The following PDE4D variants were observed in gnomAD, a reference collection of about 807,000 sequenced individuals.
The protein encoded by PDE4D is 3',5'-cyclic-AMP phosphodiesterase 4D.
Under a neutral mutation model 87.4 loss-of-function variants are expected in PDE4D, and 24 were observed. That is an observed-to-expected ratio of 0.27 (90% CI 0.20 to 0.39). The LOEUF (loss-of-function observed/expected upper bound fraction) is 0.39, where lower values mean the gene tolerates loss of function less well. PDE4D is among the 10% of genes least tolerant of loss of function. PDE4D has a pLI of 1.00. For synonymous variants in PDE4D, 384 were observed against 383.2 expected (o/e 1.00, Z -0.02); for missense variants, 714 against 1,041.0 (o/e 0.69, Z 4.32).
chr5:59,201,315 A>C (rs1384561447), intron 2 of PDE4D, among the ~76,000 whole-genome samples: 4 of 152,132 alleles, frequency 2.6e-5, no homozygotes, highest in African/African-American at 9.7e-5. Flanking sequence ...TACCTGCTTA[A>C]ATTAAAATCA....
chr5:59,865,082 C>G (rs1389892765), intron 1 of PDE4D, among the ~76,000 whole-genome samples: 3 of 152,304 alleles, frequency 2.0e-5, no homozygotes, highest in African/African-American at 7.2e-5. Flanking sequence ...CAAGCCTTTT[C>G]TGTGAAATAG....
intron 1 of PDE4D, among the ~76,000 whole-genome samples, chr5:59,537,875 T>G (rs888254903): frequency 1.3e-5 from 2 of 152,230 alleles, no homozygotes; most frequent in African/African-American, 4.8e-5. Context: ...CCTGTAGCTG[T>G]TATATTCATC....
intron 1 of PDE4D, among the ~76,000 whole-genome samples, chr5:59,584,439 C>T (rs1393436006): frequency 3.3e-5 from 5 of 152,178 alleles, no homozygotes; most frequent in Non-Finnish European, 7.3e-5. Flanking sequence ...CAGATTGGTA[C>T]GACATGCAGT....
chr5:59,469,884 A>C (rs1013902754), intron 1 of PDE4D, among the ~76,000 whole-genome samples: 4 of 152,164 alleles, frequency 2.6e-5, no homozygotes, highest in African/African-American at 9.7e-5. Flanking sequence ...AAGGCATTGC[A>C]CCACAATCAT....
At chr5:59,157,475 T>G (rs1370104520) in intron 5 of PDE4D, 1 of 639,266 alleles carries the variant, frequency 1.6e-6, no homozygotes, top group Non-Finnish European at 2.8e-6. Context: ...ACGACTAAGT[T>G]TCCAATCATT....
intron 1 of PDE4D, among the ~76,000 whole-genome samples, chr5:60,507,850 C>CA: frequency 6.6e-6 from 1 of 152,286 alleles, no homozygotes; most frequent in Admixed American, 6.5e-5. Context: ...TCATATACAG[C>CA]AAAACAGACC....
rs535150706 is a variant in PDE4D, at chr5:60,410,023, C to A, written c.-90+77919G>T. ...AAAGATATGCCCTCTCAGGCTGCCC[C>A]ATACCAAGGACATTTGGAGGGAGTT... On this transcript the variant is annotated intron_variant, in intron 1 of 16. Coordinates refer to the PDE4D transcript ENST00000502484. Among the ~76,000 whole-genome samples the A allele has an allele frequency of 3.6e-4, 55 of 152,338 alleles. 2 individuals carry two copies. The South Asian group carries it at 0.011, about 31-fold the overall frequency.
intron 6 of PDE4D, chr5:59,000,026 G>A: frequency 5.4e-6 from 3 of 553,592 alleles, no homozygotes; most frequent in Non-Finnish European, 6.9e-6. Flanking sequence ...AAGGCGAGGG[G>A]GTGTGGCCTC....
intron 1 of PDE4D, among the ~76,000 whole-genome samples, chr5:59,821,652 C>T (rs1769693653): frequency 6.6e-6 from 1 of 152,112 alleles, no homozygotes; most frequent in African/African-American, 2.4e-5. Context: ...TATTGTTGAG[C>T]ACATGTGCAT....
chr5:60,329,639 G>C (rs1252093527), intron 1 of PDE4D, among the ~76,000 whole-genome samples: 3 of 152,118 alleles, frequency 2.0e-5, no homozygotes, highest in Non-Finnish European at 4.4e-5. Flanking sequence ...TATGTGATGG[G>C]ATATGTAAGC....
At chr5:59,685,427 C>A (rs1194294104) in intron 1 of PDE4D, among the ~76,000 whole-genome samples, 1 of 152,168 alleles carries the variant, frequency 6.6e-6, no homozygotes, top group Non-Finnish European at 1.5e-5. Context: ...ATATTATGCA[C>A]ACATGGTCTT....
intron 1 of PDE4D, among the ~76,000 whole-genome samples, chr5:59,530,848 A>G (rs1244241200): frequency 6.6e-6 from 1 of 152,208 alleles, no homozygotes; most frequent in Non-Finnish European, 1.5e-5. Context: ...AGGATCAAAT[A>G]TAATTTGAGA....
chr5:59,855,706 G>A (rs1745326603), intron 1 of PDE4D, among the ~76,000 whole-genome samples: 1 of 152,096 alleles, frequency 6.6e-6, no homozygotes, highest in African/African-American at 2.4e-5. Flanking sequence ...TTAGGAGGCA[G>A]GAAGAAGAAA....
At chr5:59,270,326 G>A (rs1364339273) in intron 1 of PDE4D, among the ~76,000 whole-genome samples, 1 of 152,054 alleles carries the variant, frequency 6.6e-6, no homozygotes, top group Non-Finnish European at 1.5e-5. Context: ...GTATTTACAA[G>A]TTTCTAAGAT....
chr5:59,153,338 C>T (rs1416647917), intron 5 of PDE4D, among the ~76,000 whole-genome samples: 18 of 152,166 alleles, frequency 1.2e-4, no homozygotes, highest in Admixed American at 9.8e-4. Flanking sequence ...TGTCCTTGTT[C>T]AGGACCATGT....
intron 1 of PDE4D, among the ~76,000 whole-genome samples, chr5:59,520,608 T>A (rs1294730731): frequency 6.6e-6 from 1 of 151,718 alleles, no homozygotes; most frequent in Admixed American, 6.6e-5. Context: ...AAGAGAAGTA[T>A]AAGAGGAGAA....
intron 1 of PDE4D, among the ~76,000 whole-genome samples, chr5:60,331,019 T>C (rs891355580): frequency 1.3e-5 from 2 of 152,148 alleles, no homozygotes; most frequent in South Asian, 2.1e-4. Context: ...AATAAATAAC[T>C]AGTAAAGGTG....
chr5:60,341,582 C>A (rs1373290985), intron 1 of PDE4D, among the ~76,000 whole-genome samples: 1 of 152,180 alleles, frequency 6.6e-6, no homozygotes, highest in Non-Finnish European at 1.5e-5. Context: ...AGCCAAATGC[C>A]AAGTCCATTT....
At chr5:59,064,858 C>A (rs546864829) in intron 5 of PDE4D, among the ~76,000 whole-genome samples, 2 of 152,176 alleles carry the variant, frequency 1.3e-5, no homozygotes, top group African/African-American at 4.8e-5. Flanking sequence ...TCAATCACTT[C>A]AGTTGTAGAA....
Sources: gnomAD v4.1 joint callset for allele counts (sites outside exome capture counted in the v4.1 genomes callset) on GRCh38, gnomAD v4.1.1 for gene constraint, MANE v1.5 for transcripts, NCBI Gene and HGNC (gene_info 2026-07-23, HGNC 2026-07-21) for gene names.